HECW1: variants seen among roughly 807,000 people sequenced by gnomAD.
HECW1 encodes HECT, C2 and WW domain containing E3 ubiquitin protein ligase 1.
Under a neutral mutation model 182.3 loss-of-function variants are expected in HECW1, and 61 were observed. That is an observed-to-expected ratio of 0.33 (90% confidence interval 0.27 to 0.41). The LOEUF (loss-of-function observed/expected upper bound fraction) is 0.41, where lower values mean the gene tolerates loss of function less well. Among genes scored for constraint, HECW1 ranks in the 10% least tolerant of loss-of-function variants. HECW1 has a pLI of 1.00. For synonymous variants in HECW1, 859 were observed against 832.6 expected (o/e 1.03, Z -0.55); for missense variants, 1,739 against 2,108.9 (o/e 0.82, Z 3.44).
At chr7:43,194,873 T>C (rs1017645617) in intron 2 of HECW1, among the ~76,000 whole-genome samples, 1 of 152,090 alleles carries the variant, frequency 6.6e-6, no homozygotes, top group Non-Finnish European at 1.5e-5. Flanking sequence ...TTTGTATTTT[T>C]AGTAGAGACA....
chr7:43,292,161 C>T (rs1370260708), intron 3 of HECW1, among the ~76,000 whole-genome samples: 1 of 152,184 alleles, frequency 6.6e-6, no homozygotes, highest in African/African-American at 2.4e-5. Context: ...TCGAAATAAT[C>T]CTTATGCCAA....
intron 2 of HECW1, among the ~76,000 whole-genome samples, chr7:43,117,029 C>A (rs947568068): frequency 4.6e-5 from 7 of 152,130 alleles, no homozygotes; most frequent in Non-Finnish European, 7.4e-5. Flanking sequence ...TACTTTGAGC[C>A]TTCTGTTAAA....
Position 43,285,547 on chromosome 7 carries a change from C to T in HECW1, c.28-26216C>T, listed in dbSNP as rs908976456. On this transcript the variant is annotated intron_variant, in intron 3 of 29. Coordinates refer to ENST00000395891, the MANE Select transcript of HECW1 (RefSeq NM_015052.5). ...AAAATAAAGAACCTACAGTGGTCCA[C>T]ACCTATAATCCCAGCACTTTGGGAG... Among the ~76,000 whole-genome samples, 18 of 152,172 alleles carry T rather than the reference C, an allele frequency of 1.2e-4. 1 individual carries two copies. Among genetic ancestry groups the T allele is most frequent in the Middle Eastern group, 3.2e-3 (1 of 316 alleles).
chr7:43,214,007 C>A (rs1196751150), intron 2 of HECW1, among the ~76,000 whole-genome samples: 1 of 151,864 alleles, frequency 6.6e-6, no homozygotes, highest in Non-Finnish European at 1.5e-5. Context: ...CCTTTAGAGA[C>A]CTTTATTTTA....
chr7:43,372,407 G>C (rs113599509), intron 6 of HECW1, among the ~76,000 whole-genome samples: 1 of 114,148 alleles, frequency 8.8e-6, no homozygotes, highest in Admixed American at 8.6e-5. Context: ...TGTGCACAAC[G>C]TGCAGGTTTG....
At chr7:43,284,223 T>C (rs1046723605) in intron 3 of HECW1, among the ~76,000 whole-genome samples, 1 of 152,210 alleles carries the variant, frequency 6.6e-6, no homozygotes, top group Non-Finnish European at 1.5e-5. Context: ...TTTTTAAACA[T>C]TTTTTAATTG....
At chr7:43,287,172 G>A (rs954155194) in intron 3 of HECW1, among the ~76,000 whole-genome samples, 2 of 152,184 alleles carry the variant, frequency 1.3e-5, no homozygotes, top group Non-Finnish European at 1.5e-5. Flanking sequence ...ATTCTGTAAA[G>A]AGAAATAATA....
chr7:43,473,519 G>T (rs2078102794), intron 16 of HECW1, among the ~76,000 whole-genome samples: 1 of 152,040 alleles, frequency 6.6e-6, no homozygotes, highest in Admixed American at 6.6e-5. Context: ...TTGTTAAAAT[G>T]CTTTAAAACA....
Position 43,444,791 on chromosome 7 carries a change from C to T in HECW1, c.1619C>T (p.Ser540Phe). Reference protein sequence around the residue: ...RKSRPCSLPVSELETVIASAC... With the variant: ...RKSRPCSLPVFELETVIASAC... ...AGCAGGCCCTGCTCCTTGCCTGTGT[C>T]CGAGCTGGAGACGGTGATCGCGTCA... Residue 540 changes from serine (S) to phenylalanine (F), a missense_variant, in exon 11 of 30, where the codon TCC becomes TTC. Ser to Phe is a radical substitution (Grantham distance 155). Around this residue, in one of 5 missense-constraint regions of HECW1, gnomAD observed 971 missense variants for 1,029.1 expected, o/e 0.94. Transcript: ENST00000395891. The surrounding 1 kb of genome is among the most constrained non-coding windows in gnomAD (Gnocchi z 4.3). 1 of 1,614,108 alleles carries T rather than the reference C, an allele frequency of 6.2e-7. No homozygotes were observed. The highest frequency in any genetic ancestry group is 8.5e-7 in the Non-Finnish European group (1 of 1,180,032).
At chr7:43,380,079 G>C (rs1026998125) in intron 6 of HECW1, among the ~76,000 whole-genome samples, 7 of 152,148 alleles carry the variant, frequency 4.6e-5, no homozygotes, top group African/African-American at 1.7e-4. Context: ...GTTGAGACAA[G>C]GTCTCACTCT....
chr7:43,558,721 G>T (rs1331761108), intron 29 of HECW1, among the ~76,000 whole-genome samples: 1 of 152,154 alleles, frequency 6.6e-6, no homozygotes, highest in Admixed American at 6.5e-5. Flanking sequence ...ACCTACAAAG[G>T]AGGCCTGAGG....
At chr7:43,191,981 T>A (rs1336912397) in intron 2 of HECW1, among the ~76,000 whole-genome samples, 1 of 149,598 alleles carries the variant, frequency 6.7e-6, no homozygotes, top group Non-Finnish European at 1.5e-5. Flanking sequence ...TTTTTTGAGA[T>A]GGAGTCTCAC....
chr7:43,152,385 CTAA>C (rs1393795104), intron 2 of HECW1, among the ~76,000 whole-genome samples: 1 of 152,068 alleles, frequency 6.6e-6, no homozygotes, highest in Non-Finnish European at 1.5e-5. Context: ...CAAAAAAGTC[CTAA>C]TAATAAGAGG....
At chr7:43,425,633 T>C (rs193159197) in intron 8 of HECW1, among the ~76,000 whole-genome samples, 57 of 152,278 alleles carry the variant, frequency 3.7e-4, no homozygotes, top group African/African-American at 1.3e-3. Flanking sequence ...TTCTGGAAGC[T>C]GGGAAGTCCA....
intron 6 of HECW1, among the ~76,000 whole-genome samples, chr7:43,387,998 C>T (rs958394290): frequency 3.3e-5 from 5 of 152,234 alleles, no homozygotes; most frequent in Admixed American, 6.5e-5. Flanking sequence ...ATTCCGTTCT[C>T]AGGGGAACTC....
chr7:43,121,528 C>CAGTGATATGTAAACATAT (rs978778526), intron 2 of HECW1, among the ~76,000 whole-genome samples: 3 of 152,180 alleles, frequency 2.0e-5, no homozygotes, highest in Non-Finnish European at 2.9e-5. Flanking sequence ...TGTAAACATA[C>CAGTGATATGTAAACATAT]AGTGATATGT....
chr7:43,488,486 A>G (rs531108364), intron 17 of HECW1, among the ~76,000 whole-genome samples: 12 of 120,532 alleles, frequency 1.0e-4, no homozygotes, highest in South Asian at 5.0e-4. Context: ...GAAAGAAAGA[A>G]AGAGAAAGAA....
chr7:43,494,453 C>G (rs2152920512), intron 19 of HECW1, among the ~76,000 whole-genome samples: 1 of 152,146 alleles, frequency 6.6e-6, no homozygotes, highest in Admixed American at 6.5e-5. Context: ...CATGACCTCC[C>G]TACCCTTCAA....
rs1319174204 is a variant in HECW1 at position 43,311,806 on chromosome 7, C to T, written c.71C>T (p.Ser24Phe). The T allele has an allele frequency of 6.2e-7, 1 of 1,614,124 alleles. No individual in the cohort carries two copies. Among genetic ancestry groups the T allele is most frequent in the Admixed American group, 1.7e-5 (1 of 60,028 alleles). Residue 24 changes from serine to phenylalanine, a missense_variant, in exon 4 of 30, where the codon TCT becomes TTT. This residue lies in a region of HECW1 where 279 missense variants were observed against 353.1 expected (regional missense o/e 0.79). Transcript: ENST00000395891. ...NRFLGLAAMA[S>F]PSRNSQSRRR... ...TTTTTAGGCCTGGCCGCCATGGCGTCTCCTTCTAGAAACTCCCAGAGCCGA... is the reference window on the plus strand; with the variant it reads ...TTTTTAGGCCTGGCCGCCATGGCGTTTCCTTCTAGAAACTCCCAGAGCCGA...
Sources: gnomAD v4.1 joint callset for allele counts (sites outside exome capture counted in the v4.1 genomes callset) on GRCh38, gnomAD v4.1.1 for gene constraint, gnomAD v4.1.1 regional missense constraint, Gnocchi (gnomAD v3.1) non-coding constraint, MANE v1.5 for transcripts, NCBI Gene and HGNC (gene_info 2026-07-23, HGNC 2026-07-21) for gene names.